Variants in NR2C2 observed in about 807,000 individuals in gnomAD.
The protein encoded by NR2C2 is nuclear receptor subfamily 2 group C member 2, also known as Nuclear hormone receptor TR4.
In NR2C2, 6 loss-of-function variants were observed where a neutral mutation model predicts 62.9. The ratio of observed to expected loss-of-function variants is 0.10; its 90% CI spans 0.05 to 0.19. NR2C2 has a LOEUF of 0.19. NR2C2 is among the 10% of genes least tolerant of loss of function. The pLI, the probability that NR2C2 is intolerant of heterozygous loss-of-function variation, is 1.00. For missense variants in NR2C2, 479 were observed against 762.7 expected, an observed-to-expected ratio of 0.63 and a Z score of 4.38; for synonymous variants, 272 against 273.8, an observed-to-expected ratio of 0.99 and a Z score of 0.07.
rs151162060 is a variant in NR2C2 at position 14,971,308 on chromosome 3, G to A, written c.-40+23402G>A. ...AATTTTTGTATTTTTAGTAGAGATG[G>A]GGTTTCACCATGTTGGCCAAGCTGG... On this transcript the variant is annotated intron_variant, in intron 1 of 13. Transcript: ENST00000425241. Among the ~76,000 whole-genome samples the A allele has an allele frequency of 5.0e-3, 756 of 151,494 alleles. 39 individuals carry two copies. Among genetic ancestry groups the A allele is most frequent in the African/African-American group, 0.018 (722 of 40,860 alleles).
intron 1 of NR2C2, among the ~76,000 whole-genome samples, chr3:14,999,731 C>T (rs1295518037): frequency 6.6e-6 from 1 of 151,784 alleles, no homozygotes; most frequent in Non-Finnish European, 1.5e-5. Context: ...ATTTGATTTC[C>T]ACTTGTCCCA....
At chr3:15,026,946 A>AG (rs2125044065) in intron 7 of NR2C2, 1 of 152,366 alleles carries the variant, frequency 6.6e-6, no homozygotes, top group African/African-American at 2.4e-5. Flanking sequence ...GGCTTACTGC[A>AG]GCCTCCGCCT....
At position 15,003,886 on chromosome 3, in the gene NR2C2, C is replaced by T. The variant is rs1163952307; in HGVS notation, c.-29C>T. ...ACTTCTCACCCACAGGTAACACGTA[C>T]ACAGACCTCTCGGCCGGAATCTCCA... On this transcript the variant is annotated 5_prime_UTR_variant, in exon 2 of 14. Transcript: ENST00000425241. The T allele has an allele frequency of 1.9e-6, 3 of 1,611,332 alleles. No homozygotes were observed. The highest frequency in any genetic ancestry group is 8.5e-7 in the Non-Finnish European group (1 of 1,177,636).
At chr3:14,955,354 G>A (rs1288416780) in intron 1 of NR2C2, among the ~76,000 whole-genome samples, 1 of 152,156 alleles carries the variant, frequency 6.6e-6, no homozygotes, top group East Asian at 1.9e-4. Flanking sequence ...CGACTTAGTG[G>A]TTGTGTATAT....
At chr3:15,030,152 C>G in intron 8 of NR2C2, 123 bp from the exon 9 acceptor site, 2 of 840,434 alleles carry the variant, frequency 2.4e-6, no homozygotes, top group South Asian at 1.7e-5. Flanking sequence ...TAGTGAAACC[C>G]CATCTCTACG....
At chr3:14,966,423 A>G (rs1470585363) in intron 1 of NR2C2, among the ~76,000 whole-genome samples, 2 of 152,200 alleles carry the variant, frequency 1.3e-5, no homozygotes, top group Non-Finnish European at 2.9e-5. Flanking sequence ...TCTCTATTAT[A>G]AACAATCAAA....
chr3:14,975,495 T>A (rs2040177733), intron 1 of NR2C2, among the ~76,000 whole-genome samples: 1 of 152,244 alleles, frequency 6.6e-6, no homozygotes, highest in African/African-American at 2.4e-5. Flanking sequence ...CCGTTCATTC[T>A]TTTAATGAGA....
intron 1 of NR2C2, among the ~76,000 whole-genome samples, chr3:14,989,937 A>C (rs2040621367): frequency 6.8e-6 from 1 of 146,074 alleles, no homozygotes; most frequent in South Asian, 2.4e-4. Context: ...AAAAAAAAAA[A>C]AAAAAAAAAA....
chr3:15,000,404 A>G (rs968732502), intron 1 of NR2C2, among the ~76,000 whole-genome samples: 2 of 152,100 alleles, frequency 1.3e-5, no homozygotes, highest in African/African-American at 4.8e-5. Flanking sequence ...CATTTTCTTT[A>G]TTCATTCATC....
chr3:15,032,903 C>T (rs921156963), intron 10 of NR2C2, among the ~76,000 whole-genome samples: 12 of 152,148 alleles, frequency 7.9e-5, no homozygotes, highest in Non-Finnish European at 1.5e-4. Flanking sequence ...CAATCTCACA[C>T]AAGCCACAGT....
chr3:15,024,655 A>T (rs1248022047), intron 7 of NR2C2, among the ~76,000 whole-genome samples: 1 of 152,136 alleles, frequency 6.6e-6, no homozygotes, highest in Admixed American at 6.6e-5. Flanking sequence ...AGTCATAGGG[A>T]TTTAACTTGT....
chr3:14,986,781 A>T (rs1362037713), intron 1 of NR2C2, among the ~76,000 whole-genome samples: 1 of 152,248 alleles, frequency 6.6e-6, no homozygotes, highest in Non-Finnish European at 1.5e-5. Flanking sequence ...AGAAGATAAC[A>T]TCTTATTCAG....
intron 11 of NR2C2, among the ~76,000 whole-genome samples, chr3:15,037,205 TTGTTTG>T (rs1268788444): frequency 8.3e-6 from 1 of 120,746 alleles, no homozygotes; most frequent in Non-Finnish European, 1.8e-5. Flanking sequence ...TTATTGTTTT[TTGTTTG>T]TGTGTGTGTG....
chr3:14,976,602 C>CTTTTTTTTTTTTTTTTTTTTTTTTTTT (rs533538010), intron 1 of NR2C2, among the ~76,000 whole-genome samples: 2 of 90,740 alleles, frequency 2.2e-5, no homozygotes, highest in African/African-American at 5.1e-5. Flanking sequence ...TCCTTCCTTC[C>CTTTTTTTTTTTTTTTTTTTTTTTTTTT]TTTTTTTTTT....
intron 1 of NR2C2, among the ~76,000 whole-genome samples, chr3:15,002,269 AGT>A (rs1323674418): frequency 2.6e-5 from 4 of 152,048 alleles, no homozygotes; most frequent in Non-Finnish European, 4.4e-5. Flanking sequence ...TCGTTTATTG[AGT>A]GTTTTTTTCA....
At chr3:15,001,159 A>G (rs1211651776) in intron 1 of NR2C2, among the ~76,000 whole-genome samples, 1 of 151,942 alleles carries the variant, frequency 6.6e-6, no homozygotes, top group Admixed American at 6.6e-5. Flanking sequence ...TATAGTTTTC[A>G]GTATTCAAAT....
intron 1 of NR2C2, among the ~76,000 whole-genome samples, chr3:14,960,052 T>C (rs1308393547): frequency 1.3e-5 from 2 of 152,132 alleles, no homozygotes; most frequent in East Asian, 3.9e-4. Context: ...AAGAATCAAT[T>C]TGCAGATGGA....
chr3:14,994,895 A>T (rs1005150202), intron 1 of NR2C2, among the ~76,000 whole-genome samples: 5 of 150,330 alleles, frequency 3.3e-5, no homozygotes, highest in Admixed American at 1.3e-4. Context: ...AGCCTGGGTG[A>T]CAGAACAAGA....
intron 1 of NR2C2, among the ~76,000 whole-genome samples, chr3:14,996,054 T>TA (rs2040824542): frequency 6.6e-6 from 1 of 152,236 alleles, no homozygotes; most frequent in South Asian, 2.1e-4. Context: ...GGGTTCTTCA[T>TA]ATATTCTGAA....
Sources: allele counts gnomAD v4.1 joint callset (sites outside exome capture counted in the v4.1 genomes callset), GRCh38; gene constraint gnomAD v4.1.1; transcripts MANE v1.5; gene names NCBI Gene and HGNC (gene_info 2026-07-23, HGNC 2026-07-21).